RIC8B: variants seen among roughly 807,000 people sequenced by gnomAD.
RIC8B encodes chaperone Ric-8B.
In RIC8B, 16 loss-of-function variants were observed where a neutral mutation model predicts 57.5. The observed-to-expected ratio is 0.28, with a 90% CI of 0.19 to 0.42. The LOEUF (loss-of-function observed/expected upper bound fraction) is 0.42. RIC8B is among the 10% of genes least tolerant of loss of function. The probability of loss-of-function intolerance (pLI) is 1.00; values close to 1 mark genes in which losing one functional copy is unlikely to be tolerated. For missense variants in RIC8B, 481 were observed against 677.0 expected (o/e 0.71, Z 3.21); for synonymous variants, 216 against 250.8 (o/e 0.86, Z 1.31).
chr12:106,793,698 C>T (rs1448028090), intron 2 of RIC8B, among the ~76,000 whole-genome samples: 1 of 152,174 alleles, frequency 6.6e-6, no homozygotes, highest in Non-Finnish European at 1.5e-5. Context: ...GAGGGGTCTG[C>T]CAAAGCCACT....
chr12:106,858,674 C>T (rs1031468115), intron 7 of RIC8B, among the ~76,000 whole-genome samples: 1 of 152,004 alleles, frequency 6.6e-6, no homozygotes, highest in African/African-American at 2.4e-5. Context: ...AGAGAGACCA[C>T]AGTTACCAAT....
intron 4 of RIC8B, among the ~76,000 whole-genome samples, chr12:106,837,639 G>GTGT (rs1555256183): frequency 3.5e-5 from 4 of 115,330 alleles, no homozygotes; most frequent in African/African-American, 1.3e-4. Context: ...AAAATCTTTT[G>GTGT]TTTTTTTTTT....
At chr12:106,827,821 T>G (rs1211997532) in intron 4 of RIC8B, among the ~76,000 whole-genome samples, 4 of 152,182 alleles carry the variant, frequency 2.6e-5, no homozygotes, top group African/African-American at 4.8e-5. Flanking sequence ...GAAAATGCTC[T>G]TATAAGCCCA....
chr12:106,885,837 G>C (rs118045072), intron 9 of RIC8B, 67 bp from the exon 10 acceptor site: 42 of 971,474 alleles, frequency 4.3e-5, no homozygotes, highest in Admixed American at 2.8e-4. Flanking sequence ...ATTTGGGTGG[G>C]GGGGAGGGGT....
intron 2 of RIC8B, among the ~76,000 whole-genome samples, chr12:106,803,054 TA>T (rs1299943456): frequency 2.7e-5 from 4 of 148,710 alleles, no homozygotes; most frequent in African/African-American, 4.9e-5. Context: ...TCTTTAAAAG[TA>T]AAAAAAAATA....
intron 9 of RIC8B, chr12:106,871,471 T>TAAAAAAAAAAAAAAAAAAAA (rs1387727022): frequency 6.5e-5 from 2 of 30,918 alleles, no homozygotes; most frequent in Non-Finnish European, 1.1e-4. Context: ...TTAGGAGTTC[T>TAAAAAAAAAAAAAAAAAAAA]AAAAAAAAAA....
chr12:106,853,453 C>CTTTTTTTTTTTTTTTTTTTTTT lies in RIC8B; in HGVS notation c.1306+1871_1306+1892dup, dbSNP rs758876525. On this transcript the variant is annotated intron_variant, in intron 7 of 9. Coordinates refer to ENST00000392837, the MANE Select transcript of RIC8B (RefSeq NM_001330145.2). The stretch of plus-strand genomic sequence containing the variant: ...GACCTCAACAATTCTGCTTTATAGT[C>CTTTTTTTTTTTTTTTTTTTTTT]TTTTTTTTTTTTTTTTTTTTTTTTT... Among the ~76,000 whole-genome samples, 35 of 38,038 alleles carry CTTTTTTTTTTTTTTTTTTTTTT rather than the reference C, an allele frequency of 9.2e-4. 8 individuals carry two copies. The highest frequency in any genetic ancestry group is 2.4e-3 in the East Asian group (2 of 834). 25.0% of individuals were successfully genotyped at this position (38,038 alleles called of 152,430 possible).
At chr12:106,798,249 G>C (rs2044575649) in intron 2 of RIC8B, among the ~76,000 whole-genome samples, 1 of 152,102 alleles carries the variant, frequency 6.6e-6, no homozygotes, top group South Asian at 2.1e-4. Context: ...ATCAGATGCT[G>C]AGCAAAGTGC....
intron 3 of RIC8B, among the ~76,000 whole-genome samples, chr12:106,822,077 CAAAAAA>C (rs67378158): frequency 5.3e-5 from 2 of 38,036 alleles, no homozygotes; most frequent in African/African-American, 2.3e-4. Context: ...GACTCCATCT[CAAAAAA>C]AAAAAAAAAA....
chr12:106,888,553 G>A lies in RIC8B; in HGVS notation c.*2538G>A, dbSNP rs1951275819. On this transcript the variant is annotated 3_prime_UTR_variant, in exon 10 of 10. Coordinates refer to ENST00000392837, the MANE Select transcript of RIC8B (RefSeq NM_001330145.2). ...CCTGGGCCCACACTGTGCCTCCTTAGGGCTCTGAAATGCTGGGAACAGAGT... is the reference window on the plus strand; with the variant it reads ...CCTGGGCCCACACTGTGCCTCCTTAAGGCTCTGAAATGCTGGGAACAGAGT... 6.6e-6 allele frequency: 1 copy of A among 152,670 alleles called. No homozygotes were observed. Among genetic ancestry groups the A allele is most frequent in the Admixed American group, 6.5e-5 (1 of 15,276 alleles). 9.5% of individuals were successfully genotyped at this position (152,670 alleles called of 1,614,324 possible).
Position 106,825,719 on chromosome 12 carries a change from G to A in RIC8B, c.742-7G>A. On this transcript the variant is annotated splice_polypyrimidine_tract_variant and splice_region_variant and intron_variant, in intron 3 of 9. Transcript: ENST00000392837. Reference sequence around the variant, plus strand: ...CCAATGTTTCCTCTCTTTTTTATTTGCCATAGAGTGATTCTCATCAGTTCC... The same window carrying A: ...CCAATGTTTCCTCTCTTTTTTATTTACCATAGAGTGATTCTCATCAGTTCC... 6.2e-7 allele frequency: 1 copy of A among 1,609,172 alleles called. No individual in the cohort carries two copies. Among genetic ancestry groups the A allele is most frequent in the Non-Finnish European group, 8.5e-7 (1 of 1,175,752 alleles).
Position 106,874,839 on chromosome 12 carries a change from A to G in RIC8B, c.1571+3897A>G, listed in dbSNP as rs906904057. Among the ~76,000 whole-genome samples the G allele has an allele frequency of 2.6e-5, 4 of 151,452 alleles. No individual in the cohort carries two copies. In the East Asian group the frequency reaches 5.8e-4, roughly 22 times the overall value. On this transcript the variant is annotated intron_variant, in intron 9 of 9. Transcript: ENST00000392837. ...TTCCAAGTGATTTTTTTTTTTTAGT[A>G]TAAGGATTATATTTGTGATAGATGT...
rs572920318 is a variant in RIC8B at position 106,823,776 on chromosome 12, C to T, written c.742-1950C>T. ...CTCGGCTCACTGCAACCTCCGCCTCCTGGGTTCAAGCAATTCTCCTGCCTC... is the reference window on the plus strand; with the variant it reads ...CTCGGCTCACTGCAACCTCCGCCTCTTGGGTTCAAGCAATTCTCCTGCCTC... On this transcript the variant is annotated intron_variant, in intron 3 of 9. Transcript: ENST00000392837. 1.1e-4 allele frequency among the ~76,000 whole-genome samples: 16 copies of T among 151,978 alleles called. No individual in the cohort carries two copies. The South Asian group carries it at 2.9e-3, about 28-fold the overall frequency.
At chr12:106,884,909 G>A (rs1217308696) in intron 9 of RIC8B, among the ~76,000 whole-genome samples, 57 of 152,160 alleles carry the variant, frequency 3.7e-4, no homozygotes, top group Non-Finnish European at 7.4e-5. Context: ...CATTATAGCT[G>A]CTGCCATGTG....
rs1951247635 is a variant in RIC8B, at chr12:106,887,900, G to A, written c.*1885G>A. The A allele has an allele frequency of 1.3e-5, 2 of 152,486 alleles. No individual in the cohort carries two copies. The allele number at this position is 152,486 out of a possible 1,614,324, so 9.4% of individuals were successfully genotyped here. ...TAAATCCAGAACGCTTTATAAAAGG[G>A]TAGGAAGAAGACAATAGATGTTAGA... On this transcript the variant is annotated 3_prime_UTR_variant, in exon 10 of 10. Transcript: ENST00000392837.
intron 2 of RIC8B, among the ~76,000 whole-genome samples, chr12:106,789,742 C>G (rs1205826492): frequency 6.6e-6 from 1 of 152,096 alleles, no homozygotes; most frequent in Non-Finnish European, 1.5e-5. Context: ...GGGACACAGC[C>G]AAACCATATC....
Position 106,814,752 on chromosome 12 carries a change from A to C in RIC8B, c.189A>C (p.Gln63His). ...VLIKDIPTTC[Q>H]VSCLEVLRIL... is the part of the protein sequence containing the mutation. ...TAAAGGACATCCCAACAACATGTCA[A>C]GTGTCCTGCCTGGAAGTACTCCGCA... The change falls in exon 3 of 10, where the codon CAA becomes CAC. Residue 63 changes from glutamine (Q) to histidine (H), a missense_variant. Coordinates refer to ENST00000392837, the MANE Select transcript of RIC8B (RefSeq NM_001330145.2). The C allele has an allele frequency of 6.2e-7, 1 of 1,613,958 alleles. No individual in the cohort carries two copies. Among genetic ancestry groups the C allele is most frequent in the Non-Finnish European group, 8.5e-7 (1 of 1,179,876 alleles).
At chr12:106,834,682 A>G (rs1008207815) in intron 4 of RIC8B, among the ~76,000 whole-genome samples, 3 of 152,140 alleles carry the variant, frequency 2.0e-5, no homozygotes, top group African/African-American at 7.2e-5. Context: ...AGATAAAAAT[A>G]ATAAAAATAA....
At chr12:106,811,861 G>T (rs1272080753) in intron 2 of RIC8B, among the ~76,000 whole-genome samples, 1 of 152,102 alleles carries the variant, frequency 6.6e-6, no homozygotes, top group East Asian at 1.9e-4. Flanking sequence ...TACTGACAGG[G>T]CAAAATAAAG....
Sources: gnomAD v4.1 joint callset for allele counts (sites outside exome capture counted in the v4.1 genomes callset) on GRCh38, gnomAD v4.1.1 for gene constraint, MANE v1.5 for transcripts, NCBI Gene and HGNC (gene_info 2026-07-23, HGNC 2026-07-21) for gene names.